Variants in PALS2 observed in about 807,000 individuals in gnomAD.
PALS2 encodes protein associated with LIN7 2, MAGUK p55 family member.
In PALS2, 27 loss-of-function variants were observed where a neutral mutation model predicts 61.6. The observed-to-expected ratio is 0.44, with a 90% confidence interval of 0.32 to 0.60. The LOEUF is 0.60. Ranked by LOEUF, PALS2 falls within the 20% of genes least tolerant of loss-of-function variation. The probability of loss-of-function intolerance (pLI) is 0.05; values close to 1 mark genes in which losing one functional copy is unlikely to be tolerated. For missense variants in PALS2, 554 were observed against 639.4 expected, an observed-to-expected ratio of 0.87 and a Z score of 1.44; for synonymous variants, 236 against 218.6, an observed-to-expected ratio of 1.08 and a Z score of -0.70.
chr7:24,610,059 C>T (rs940192578), intron 1 of PALS2, among the ~76,000 whole-genome samples: 1 of 152,008 alleles, frequency 6.6e-6, no homozygotes, highest in African/African-American at 2.4e-5. Flanking sequence ...TTCTTAACAC[C>T]CCACCAAACC....
intron 10 of PALS2, 127 bp from the exon 11 acceptor site, chr7:24,680,265 G>T (rs1356876061): frequency 1.1e-6 from 1 of 872,952 alleles, no homozygotes; most frequent in Non-Finnish European, 1.7e-6. Context: ...ACAGAACAGG[G>T]ATAAGTATTA....
At chr7:24,649,299 G>T (rs1038389115) in intron 3 of PALS2, among the ~76,000 whole-genome samples, 3 of 152,074 alleles carry the variant, frequency 2.0e-5, no homozygotes, top group Non-Finnish European at 4.4e-5. Context: ...ATAAAACCCA[G>T]TACCTTCATT....
chr7:24,627,174 C>A (rs1784785495), intron 2 of PALS2, among the ~76,000 whole-genome samples: 1 of 152,156 alleles, frequency 6.6e-6, no homozygotes, highest in Non-Finnish European at 1.5e-5. Flanking sequence ...ATCTCTCAGA[C>A]CACAGTGCAA....
chr7:24,613,030 T>A (rs79729812), intron 1 of PALS2, among the ~76,000 whole-genome samples: 10 of 151,890 alleles, frequency 6.6e-5, no homozygotes, highest in African/African-American at 2.4e-4. Context: ...CTATCTGATA[T>A]ATCTTAAGCA....
chr7:24,669,722 A>T (rs959698737), intron 9 of PALS2, among the ~76,000 whole-genome samples: 1 of 152,160 alleles, frequency 6.6e-6, no homozygotes, highest in African/African-American at 2.4e-5. Context: ...AAAATTCTTA[A>T]AAGTTAGGGA....
Position 24,687,358 on chromosome 7 carries a change from T to A in PALS2, c.1447-80T>A. On this transcript the variant is annotated intron_variant, in intron 11 of 11. Coordinates refer to ENST00000222644, the MANE Select transcript of PALS2 (RefSeq NM_001303037.2). This position sits in a 1 kb window ranked among gnomAD's most constrained non-coding sequence, Gnocchi z 4.5. ...ACCAGAAATATATCTAACCTATTTA[T>A]TATATTCACTTCTAGTTGGAGTTTG... 7 of 1,054,902 alleles carry A rather than the reference T, an allele frequency of 6.6e-6. No individual in the cohort carries two copies. The highest frequency in any genetic ancestry group is 9.9e-6 in the Non-Finnish European group (7 of 708,380). The allele number at this position is 1,054,902 out of a possible 1,614,324, so 65.3% of individuals were successfully genotyped here.
Position 24,687,801 on chromosome 7 carries a change from T to G in PALS2, c.*187T>G. The stretch of plus-strand genomic sequence containing the variant: ...AAAATGTGGTTGGAAGGTGTACTAA[T>G]ATATAATTTATCTTAATTTTTCTAA... On this transcript the variant is annotated 3_prime_UTR_variant, in exon 12 of 12. Coordinates refer to ENST00000222644, the MANE Select transcript of PALS2 (RefSeq NM_001303037.2). This position sits in a 1 kb window ranked among gnomAD's most constrained non-coding sequence, Gnocchi z 4.5. 4.5e-6 allele frequency: 2 copies of G among 443,942 alleles called. No individual in the cohort carries two copies. The highest frequency in any genetic ancestry group is 7.5e-6 in the Non-Finnish European group (2 of 265,018). 27.5% of individuals were successfully genotyped at this position (443,942 alleles called of 1,614,324 possible). A position where few individuals can be genotyped will look rare whatever the true frequency, so the allele number is the denominator to read the frequency against.
At position 24,574,680 on chromosome 7, in the gene PALS2, C is replaced by G. The variant is rs114064148; in HGVS notation, c.-3+1087C>G. ...AGTGTTGGAATTTTACTTTGTGCTT[C>G]AAGTATATTACAAGTGGTCTTGTAG... On this transcript the variant is annotated intron_variant, in intron 1 of 11. Coordinates refer to ENST00000222644, the MANE Select transcript of PALS2 (RefSeq NM_001303037.2). 3.8e-3 allele frequency among the ~76,000 whole-genome samples: 571 copies of G among 152,216 alleles called. 4 individuals carry two copies. Among genetic ancestry groups the G allele is most frequent in the African/African-American group, 0.013 (542 of 41,524 alleles).
intron 1 of PALS2, among the ~76,000 whole-genome samples, chr7:24,576,550 TAACA>T (rs1782648736): frequency 6.6e-6 from 1 of 152,248 alleles, no homozygotes; most frequent in Admixed American, 6.5e-5. Flanking sequence ...ACTGTGTTAT[TAACA>T]GTCTACTGTT....
Position 24,596,143 on chromosome 7 carries a change from T to G in PALS2, c.-3+22550T>G, listed in dbSNP as rs972823173. Among the ~76,000 whole-genome samples, 3 of 152,122 alleles carry G rather than the reference T, an allele frequency of 2.0e-5. No individual in the cohort carries two copies. The highest frequency in any genetic ancestry group is 7.2e-5 in the African/African-American group (3 of 41,452). ...GAGAGTAACAAAATCTGTTTTGTGT[T>G]TTAAAATGATGGCTCTAGCCACTCT... On this transcript the variant is annotated intron_variant, in intron 1 of 11. Coordinates refer to ENST00000222644, the MANE Select transcript of PALS2 (RefSeq NM_001303037.2). This position sits in a 1 kb window ranked among gnomAD's most constrained non-coding sequence, Gnocchi z 4.5.
At chr7:24,674,536 T>A in intron 9 of PALS2, 1 of 152,354 alleles carries the variant, frequency 6.6e-6, no homozygotes, top group African/African-American at 2.4e-5. Context: ...TTCAGGGTAA[T>A]GAACATGCTG....
chr7:24,654,589 G>C (rs1456408617), intron 5 of PALS2, among the ~76,000 whole-genome samples: 1 of 152,138 alleles, frequency 6.6e-6, no homozygotes, highest in Non-Finnish European at 1.5e-5. Flanking sequence ...CTACACAAAG[G>C]AATTATGAAG....
At chr7:24,577,878 ATTATT>A (rs1474227303) in intron 1 of PALS2, among the ~76,000 whole-genome samples, 2 of 152,140 alleles carry the variant, frequency 1.3e-5, no homozygotes, top group African/African-American at 2.4e-5. Context: ...ATGTTTTTAT[ATTATT>A]TTATAATCTC....
chr7:24,639,731 TCTC>T (rs1369315069), intron 2 of PALS2, among the ~76,000 whole-genome samples: 1 of 151,834 alleles, frequency 6.6e-6, no homozygotes, highest in Non-Finnish European at 1.5e-5. Context: ...GTCCTCATCT[TCTC>T]ATCCTTATCT....
intron 5 of PALS2, among the ~76,000 whole-genome samples, chr7:24,656,123 A>G (rs1447263839): frequency 6.6e-6 from 1 of 152,140 alleles, no homozygotes; most frequent in Non-Finnish European, 1.5e-5. Flanking sequence ...CTTGTCACTC[A>G]CTCTGAAATG....
chr7:24,654,424 G>A (rs1389455108), intron 5 of PALS2, among the ~76,000 whole-genome samples: 1 of 152,050 alleles, frequency 6.6e-6, no homozygotes, highest in Non-Finnish European at 1.5e-5. Context: ...AGTTTACCAA[G>A]GTACCTGAAA....
At chr7:24,680,190 A>T (rs1787845125) in intron 10 of PALS2, among the ~76,000 whole-genome samples, 1 of 152,234 alleles carries the variant, frequency 6.6e-6, no homozygotes, top group South Asian at 2.1e-4. Flanking sequence ...CAAGAGGAAC[A>T]GACTGAGTTC....
intron 2 of PALS2, among the ~76,000 whole-genome samples, chr7:24,637,419 T>G (rs1785292560): frequency 6.6e-6 from 1 of 152,072 alleles, no homozygotes; most frequent in Non-Finnish European, 1.5e-5. Flanking sequence ...CAAAAATTCT[T>G]TTTTATTTTT....
At chr7:24,674,987 C>G (rs770888551) in intron 9 of PALS2, among the ~76,000 whole-genome samples, 1 of 152,064 alleles carries the variant, frequency 6.6e-6, no homozygotes, top group Non-Finnish European at 1.5e-5. Flanking sequence ...TGTAGTTGCG[C>G]AGTATAGAAG....
Sources: allele counts gnomAD v4.1 joint callset (sites outside exome capture counted in the v4.1 genomes callset), GRCh38; gene constraint gnomAD v4.1.1; non-coding constraint Gnocchi (gnomAD v3.1); transcripts MANE v1.5; gene names NCBI Gene and HGNC (gene_info 2026-07-23, HGNC 2026-07-21).